The following GAS7 variants were observed in gnomAD, a reference collection of about 807,000 sequenced individuals.
The protein encoded by GAS7 is growth arrest-specific protein 7.
GAS7 carries 28 observed loss-of-function variants against 71.1 expected under a neutral mutation model. That is an observed-to-expected ratio of 0.39 (90% CI 0.29 to 0.54). The LOEUF (loss-of-function observed/expected upper bound fraction) is 0.54, where lower values mean the gene tolerates loss of function less well. Ranked by LOEUF, GAS7 falls within the 20% of genes least tolerant of loss-of-function variation. GAS7 has a pLI of 0.62. For synonymous variants in GAS7, 258 were observed against 245.8 expected, an observed-to-expected ratio of 1.05 and a Z score of -0.46; for missense variants, 436 against 627.8, an observed-to-expected ratio of 0.69 and a Z score of 3.27.
intron 2 of GAS7, among the ~76,000 whole-genome samples, chr17:10,013,622 C>A (rs936649216): frequency 3.9e-5 from 6 of 152,346 alleles, no homozygotes; most frequent in Middle Eastern, 6.8e-3. Context: ...TATATGAAAG[C>A]AACGGCATTA....
At chr17:10,076,304 GGGA>G (rs1169438062) in intron 1 of GAS7, among the ~76,000 whole-genome samples, 1 of 69,240 alleles carries the variant, frequency 1.4e-5, no homozygotes, top group African/African-American at 6.9e-5. Flanking sequence ...GAGAAGGGAC[GGGA>G]GGAGAAGGGA....
Position 9,926,212 on chromosome 17 carries a change from G to A in GAS7, c.1014+429C>T, listed in dbSNP as rs1031288178. ...TAAGGCTGAACATCAGTTCCCTGGA[G>A]GTGAGACCACCCAGGACTCAGCCTC... On this transcript the variant is annotated intron_variant, in intron 10 of 13. Coordinates refer to ENST00000432992, the MANE Select transcript of GAS7 (RefSeq NM_201433.2). The surrounding 1 kb of genome is among the most constrained non-coding windows in gnomAD (Gnocchi z 5.0). Among the ~76,000 whole-genome samples the A allele has an allele frequency of 2.0e-5, 3 of 152,140 alleles. No homozygotes were observed. Among genetic ancestry groups the A allele is most frequent in the Admixed American group, 6.5e-5 (1 of 15,268 alleles).
chr17:9,949,403 A>G (rs573570731), intron 5 of GAS7, among the ~76,000 whole-genome samples: 2 of 152,350 alleles, frequency 1.3e-5, no homozygotes, highest in East Asian at 3.9e-4. Flanking sequence ...AATAAACACA[A>G]TAACACCATG....
At chr17:9,996,743 A>G (rs536699692) in intron 2 of GAS7, among the ~76,000 whole-genome samples, 99 of 151,818 alleles carry the variant, frequency 6.5e-4, no homozygotes, top group African/African-American at 2.3e-3. Flanking sequence ...GGTTCAAGCG[A>G]TTCTCCTGCC....
At position 9,914,325 on chromosome 17, in the gene GAS7, C is replaced by G. The variant is rs1597428983; in HGVS notation, c.*2903G>C. The G allele has an allele frequency of 5.4e-6, 1 of 186,086 alleles. No homozygotes were observed. The highest frequency in any genetic ancestry group is 1.1e-5 in the Non-Finnish European group (1 of 87,916). The allele number at this position is 186,086 out of a possible 1,614,324, so 11.5% of individuals were successfully genotyped here. The stretch of plus-strand genomic sequence containing the variant: ...CACTGCAATCTCCGCCTCCCAGGTT[C>G]AAGCGATTCTACTGCCTCAGCCTGC... On this transcript the variant is annotated 3_prime_UTR_variant, in exon 14 of 14. Transcript: ENST00000432992.
chr17:10,011,035 G>A (rs1029496777), intron 2 of GAS7, among the ~76,000 whole-genome samples: 4 of 152,238 alleles, frequency 2.6e-5, no homozygotes, highest in Non-Finnish European at 5.9e-5. Context: ...AGAGGATTTA[G>A]AAGTTTCCTC....
Position 9,959,961 on chromosome 17 carries a change from G to A in GAS7, c.472-706C>T, listed in dbSNP as rs1162260454. ...TGGCAGAGAAAATTAAGGACTGCCA[G>A]TGCAAAATGCTACACGTGTCCTAAG... is the stretch of plus-strand genomic sequence containing the variant. On this transcript the variant is annotated intron_variant, in intron 4 of 13. Coordinates refer to ENST00000432992, the MANE Select transcript of GAS7 (RefSeq NM_201433.2). The surrounding 1 kb of genome is among the most constrained non-coding windows in gnomAD (Gnocchi z 5.0). Among the ~76,000 whole-genome samples the A allele has an allele frequency of 6.6e-6, 1 of 152,170 alleles. No individual in the cohort carries two copies. The highest frequency in any genetic ancestry group is 1.5e-5 in the Non-Finnish European group (1 of 68,042).
intron 1 of GAS7, 35 bp downstream of exon 1, chr17:10,198,172 GC>G (rs1264585822): frequency 6.3e-7 from 1 of 1,590,198 alleles, no homozygotes; most frequent in South Asian, 1.1e-5. Flanking sequence ...GAGGACCGCA[GC>G]CCCGGCTCCT....
rs975362923 is a variant in GAS7, at chr17:9,965,022, G to A, written c.471+4655C>T. Among the ~76,000 whole-genome samples, 8 of 152,094 alleles carry A rather than the reference G, an allele frequency of 5.3e-5. 1 individual carries two copies. The highest frequency in any genetic ancestry group is 1.9e-4 in the African/African-American group (8 of 41,428). ...TTCCTGGGAAGTTCGTGAGAAGCCA[G>A]AACAATTGAAAGGTGGATCACAAAA... On this transcript the variant is annotated intron_variant, in intron 4 of 13. Coordinates refer to ENST00000432992, the MANE Select transcript of GAS7 (RefSeq NM_201433.2).
chr17:10,126,364 T>C (rs990561705), intron 1 of GAS7, among the ~76,000 whole-genome samples: 1 of 68,726 alleles, frequency 1.5e-5, no homozygotes, highest in East Asian at 9.1e-4. Flanking sequence ...ACACACACTC[T>C]TGCACACACA....
intron 1 of GAS7, among the ~76,000 whole-genome samples, chr17:10,107,212 G>A (rs891776881): frequency 6.6e-6 from 1 of 152,316 alleles, no homozygotes; most frequent in Non-Finnish European, 1.5e-5. Flanking sequence ...TGTGGCATTC[G>A]TTACAGCAGC....
At chr17:9,934,088 C>G in intron 9 of GAS7, 78 bp downstream of exon 9, 1 of 972,002 alleles carries the variant, frequency 1.0e-6, no homozygotes, top group Middle Eastern at 2.1e-4. Context: ...AAACGGCAAA[C>G]TGGAGAGACA....
In GAS7 at chr17:10,032,230, C is replaced by T. The variant is rs562159691; in HGVS notation, c.184-12333G>A. ...GACAAGGTAGACTCCTCCCAATAGC[C>T]GGTTCCAGCTTCTGGATTCCAAGCC... On this transcript the variant is annotated intron_variant, in intron 1 of 13. Coordinates refer to ENST00000432992, the MANE Select transcript of GAS7 (RefSeq NM_201433.2). Among the ~76,000 whole-genome samples the T allele has an allele frequency of 2.6e-5, 4 of 152,256 alleles. No individual in the cohort carries two copies. The East Asian group carries it at 7.7e-4, about 29-fold the overall frequency.
intron 2 of GAS7, among the ~76,000 whole-genome samples, chr17:10,015,042 C>T (rs917497911): frequency 2.6e-5 from 4 of 151,944 alleles, no homozygotes; most frequent in African/African-American, 7.3e-5. Flanking sequence ...GTAATCCCAG[C>T]TACTCAGGAG....
intron 5 of GAS7, among the ~76,000 whole-genome samples, chr17:9,948,863 G>A (rs889600552): frequency 1.3e-5 from 2 of 152,128 alleles, no homozygotes; most frequent in African/African-American, 2.4e-5. Context: ...CCTAGGACGC[G>A]GGCTAATTTG....
intron 1 of GAS7, among the ~76,000 whole-genome samples, chr17:10,070,972 A>G (rs201460073): frequency 1.3e-5 from 2 of 151,850 alleles, no homozygotes; most frequent in Non-Finnish European, 2.9e-5. Context: ...ACCAACCTAA[A>G]TATTTCTCTA....
intron 1 of GAS7, among the ~76,000 whole-genome samples, chr17:10,062,853 T>G (rs1411002966): frequency 6.6e-6 from 1 of 152,020 alleles, no homozygotes; most frequent in African/African-American, 2.4e-5. Flanking sequence ...AGATCTCAGC[T>G]CCCACCGCAA....
intron 2 of GAS7, among the ~76,000 whole-genome samples, chr17:10,007,792 G>T (rs1349854006): frequency 2.0e-5 from 3 of 151,434 alleles, no homozygotes; most frequent in African/African-American, 7.3e-5. Flanking sequence ...ATGGTTTTTG[G>T]TGTAGTTGCA....
At chr17:9,986,858 T>C (rs921851804) in intron 2 of GAS7, among the ~76,000 whole-genome samples, 1 of 152,178 alleles carries the variant, frequency 6.6e-6, no homozygotes, top group African/African-American at 2.4e-5. Flanking sequence ...AAAGACACTG[T>C]GAGCCTGGGG....
Sources: allele counts gnomAD v4.1 joint callset (sites outside exome capture counted in the v4.1 genomes callset), GRCh38; gene constraint gnomAD v4.1.1; non-coding constraint Gnocchi (gnomAD v3.1); transcripts MANE v1.5; gene names NCBI Gene and HGNC (gene_info 2026-07-23, HGNC 2026-07-21).